Variants in SCAMP1 observed in about 807,000 individuals in gnomAD.
SCAMP1 encodes secretory carrier membrane protein 1.
Under a neutral mutation model 41.8 loss-of-function variants are expected in SCAMP1, and 15 were observed. The ratio of observed to expected loss-of-function variants is 0.36; its 90% CI spans 0.24 to 0.55. The LOEUF (loss-of-function observed/expected upper bound fraction) is 0.55. Among genes scored for constraint, SCAMP1 ranks in the 20% least tolerant of loss-of-function variants. SCAMP1 has a pLI of 0.86. For synonymous variants in SCAMP1, 135 were observed against 136.8 expected, an observed-to-expected ratio of 0.99 and a Z score of 0.09; for missense variants, 341 against 412.6, an observed-to-expected ratio of 0.83 and a Z score of 1.50.
At chr5:78,426,326 G>T (rs1423094641) in intron 6 of SCAMP1, among the ~76,000 whole-genome samples, 1 of 152,144 alleles carries the variant, frequency 6.6e-6, no homozygotes, top group Non-Finnish European at 1.5e-5. Context: ...TGAGATTGCT[G>T]ATCAAATGGT....
chr5:78,480,720 A>G lies in SCAMP1; in HGVS notation c.*5052A>G, dbSNP rs1754124184. ...GAAAGTGATACATGAGAAAATAAAAATAAATCCTTAATTCTGTCATCTTGG... is the reference window on the plus strand; with the variant it reads ...GAAAGTGATACATGAGAAAATAAAAGTAAATCCTTAATTCTGTCATCTTGG... On this transcript the variant is annotated 3_prime_UTR_variant, in exon 9 of 9. Coordinates refer to ENST00000621999, the MANE Select transcript of SCAMP1 (RefSeq NM_004866.6). Among the ~76,000 whole-genome samples, 1 of 152,224 alleles carries G rather than the reference A, an allele frequency of 6.6e-6. No homozygotes were observed. The highest frequency in any genetic ancestry group is 2.1e-4 in the South Asian group (1 of 4,834).
At position 78,375,918 on chromosome 5, in the gene SCAMP1, T is replaced by C. The variant is rs548730176; in HGVS notation, c.58-12919T>C. On this transcript the variant is annotated intron_variant, in intron 1 of 8. Coordinates refer to ENST00000621999, the MANE Select transcript of SCAMP1 (RefSeq NM_004866.6). ...ATTTAAAATTTTCTAGTAGCCATAT[T>C]AGAAAAAAAGGAAAAACCAAGTGAA... is the stretch of plus-strand genomic sequence containing the variant. Among the ~76,000 whole-genome samples, 10 of 152,312 alleles carry C rather than the reference T, an allele frequency of 6.6e-5. 1 individual carries two copies. In the South Asian group the frequency reaches 2.1e-3, roughly 32 times the overall value.
chr5:78,431,669 C>G (rs1218206154), intron 6 of SCAMP1, among the ~76,000 whole-genome samples: 3 of 150,678 alleles, frequency 2.0e-5, no homozygotes, highest in African/African-American at 7.3e-5. Flanking sequence ...TAATCATAGT[C>G]TCTGTATTCA....
chr5:78,466,236 T>G (rs532508933), intron 8 of SCAMP1, among the ~76,000 whole-genome samples: 2 of 152,374 alleles, frequency 1.3e-5, no homozygotes, highest in South Asian at 2.1e-4. Flanking sequence ...GGCACTGGGC[T>G]GTGCATGAGC....
At chr5:78,457,520 G>C (rs375988410) in intron 7 of SCAMP1, among the ~76,000 whole-genome samples, 2,331 of 152,084 alleles carry the variant, frequency 0.015, 22 homozygotes, top group African/African-American at 0.022. Flanking sequence ...CAGGGACCCA[G>C]TTGAGGAGGC....
intron 6 of SCAMP1, among the ~76,000 whole-genome samples, chr5:78,447,817 TC>T (rs1753089576): frequency 4.2e-5 from 4 of 94,242 alleles, no homozygotes; most frequent in African/African-American, 4.1e-5. Flanking sequence ...TCCTCCCTCC[TC>T]CCCCTCTCCC....
Position 78,458,356 on chromosome 5 carries a change from A to T in SCAMP1, c.735-889A>T, listed in dbSNP as rs150072256. On this transcript the variant is annotated intron_variant, in intron 7 of 8. Transcript: ENST00000621999. ...ATTACTTTTTATTTTAGCCATCCTA[A>T]TAGGTGTGTAGTGATATCTCATTGT... is the stretch of plus-strand genomic sequence containing the variant. 2.0e-3 allele frequency among the ~76,000 whole-genome samples: 311 copies of T among 152,244 alleles called. 2 individuals are homozygous for T. The highest frequency in any genetic ancestry group is 7.1e-3 in the African/African-American group (296 of 41,548).
At chr5:78,417,621 A>G (rs1752240355) in intron 4 of SCAMP1, among the ~76,000 whole-genome samples, 1 of 152,170 alleles carries the variant, frequency 6.6e-6, no homozygotes, top group Admixed American at 6.5e-5. Flanking sequence ...CATCAATACA[A>G]TCCTGTGAGG....
intron 2 of SCAMP1, among the ~76,000 whole-genome samples, chr5:78,412,161 T>C (rs1421034313): frequency 6.6e-6 from 1 of 152,100 alleles, no homozygotes; most frequent in Non-Finnish European, 1.5e-5. Context: ...TATATGTTGC[T>C]TATTATTTAG....
At position 78,360,630 on chromosome 5, in the gene SCAMP1, C is replaced by G. The variant is rs370643567; in HGVS notation, c.-42C>G. 2.0e-4 allele frequency: 322 copies of G among 1,583,476 alleles called. No homozygotes were observed. The highest frequency in any genetic ancestry group is 1.5e-3 in the Admixed American group (86 of 56,946). ...GGCGGCGGCCTCGCCTCGTCTCTCT[C>G]TCTGCGCCTGGGTCGGGTGGGTGAC... On this transcript the variant is annotated 5_prime_UTR_variant, in exon 1 of 9. Coordinates refer to ENST00000621999, the MANE Select transcript of SCAMP1 (RefSeq NM_004866.6).
chr5:78,469,937 A>AAAAAAAAAAAAAAAAAAAAAAG (rs1753844752), intron 8 of SCAMP1, among the ~76,000 whole-genome samples: 2 of 20,376 alleles, frequency 9.8e-5, no homozygotes, highest in Non-Finnish European at 2.0e-4. Context: ...AAAAAACAAC[A>AAAAAAAAAAAAAAAAAAAAAAG]ACACAGCCCA....
intron 2 of SCAMP1, 102 bp downstream of exon 2, chr5:78,389,016 C>A: frequency 1.7e-6 from 1 of 577,424 alleles, no homozygotes. Context: ...TTAAATAAAA[C>A]AAATTGTTAA....
At chr5:78,382,776 GGTGTGTGTGTGTGTGTGT>G (rs61523492) in intron 1 of SCAMP1, among the ~76,000 whole-genome samples, 7 of 130,344 alleles carry the variant, frequency 5.4e-5, no homozygotes, top group East Asian at 2.1e-4. Context: ...AGTATTCCAT[GGTGTGTGTGTGTGTGTGT>G]GTGTGTGTGT....
At chr5:78,403,980 A>AAAAAAG (rs1561262510) in intron 2 of SCAMP1, among the ~76,000 whole-genome samples, 1 of 133,708 alleles carries the variant, frequency 7.5e-6, no homozygotes, top group Non-Finnish European at 1.6e-5. Flanking sequence ...AAAAAAAAAA[A>AAAAAAG]GGGATGGTGG....
intron 2 of SCAMP1, among the ~76,000 whole-genome samples, chr5:78,400,356 T>G (rs963153463): frequency 3.3e-5 from 5 of 152,232 alleles, no homozygotes; most frequent in Admixed American, 2.6e-4. Flanking sequence ...TTGGGTTTTT[T>G]GCCTTTCCAC....
In SCAMP1 at chr5:78,396,306, G is replaced by A. The variant is rs114133741; in HGVS notation, c.135+7392G>A. On this transcript the variant is annotated intron_variant, in intron 2 of 8. Transcript: ENST00000621999. ...ATAAGTTGTTACAAATGTCCACTCT[G>A]GTGGGAGATATTGATAATGGGGGAG... Among the ~76,000 whole-genome samples, 901 of 152,294 alleles carry A rather than the reference G, an allele frequency of 5.9e-3. 4 individuals carry two copies. Among genetic ancestry groups the A allele is most frequent in the African/African-American group, 0.02 (850 of 41,562 alleles).
At chr5:78,470,112 A>T (rs959047353) in intron 8 of SCAMP1, among the ~76,000 whole-genome samples, 27 of 84,734 alleles carry the variant, frequency 3.2e-4, no homozygotes, top group African/African-American at 3.6e-4. Flanking sequence ...AAAATAATTT[A>T]AAAAAACCTA....
intron 2 of SCAMP1, among the ~76,000 whole-genome samples, chr5:78,408,390 A>T (rs1751986616): frequency 1.3e-5 from 2 of 152,086 alleles, no homozygotes; most frequent in Non-Finnish European, 2.9e-5. Flanking sequence ...GAATTATGGG[A>T]GCTGCAATTC....
At chr5:78,447,788 ACTTT>A (rs1753087351) in intron 6 of SCAMP1, among the ~76,000 whole-genome samples, 1 of 120,746 alleles carries the variant, frequency 8.3e-6, no homozygotes, top group African/African-American at 2.6e-5. Context: ...TTCAAAAGAA[ACTTT>A]CTTCTTCTTC....
Sources: gnomAD v4.1 joint callset for allele counts (sites outside exome capture counted in the v4.1 genomes callset) on GRCh38, gnomAD v4.1.1 for gene constraint, MANE v1.5 for transcripts, NCBI Gene and HGNC (gene_info 2026-07-23, HGNC 2026-07-21) for gene names.